ALMS1: variants seen among roughly 807,000 people sequenced by gnomAD.
ALMS1 encodes ALMS1 centrosome and basal body associated protein.
Under a neutral mutation model 352.2 loss-of-function variants are expected in ALMS1, and 271 were observed. That is an observed-to-expected ratio of 0.77 (90% CI 0.70 to 0.85). The LOEUF (loss-of-function observed/expected upper bound fraction) is 0.85. Ranked by LOEUF, ALMS1 falls within the 40% of genes least tolerant of loss-of-function variation. ALMS1 has a pLI of 0.00. For synonymous variants in ALMS1, 1,865 were observed against 1,761.2 expected (o/e 1.06, Z -1.48); for missense variants, 5,445 against 4,870.7 (o/e 1.12, Z -3.51).
intron 15 of ALMS1, among the ~76,000 whole-genome samples, chr2:73,561,211 T>C (rs181085393): frequency 3.3e-5 from 5 of 152,366 alleles, no homozygotes; most frequent in Non-Finnish European, 7.3e-5. Flanking sequence ...TCAGGCCTAC[T>C]CAGGCTTCTC....
At chr2:73,509,661 A>G (rs1673408950) in intron 10 of ALMS1, among the ~76,000 whole-genome samples, 1 of 152,156 alleles carries the variant, frequency 6.6e-6, no homozygotes, top group South Asian at 2.1e-4. Flanking sequence ...TTTATGGGTA[A>G]CCTGACCTTT....
intron 9 of ALMS1, among the ~76,000 whole-genome samples, chr2:73,483,060 GTC>G (rs1286966825): frequency 1.5e-4 from 22 of 151,262 alleles, no homozygotes; most frequent in Non-Finnish European, 2.7e-4. Flanking sequence ...GGTTTTTTGT[GTC>G]TCTATTTCCT....
chr2:73,396,210 C>G (rs1375820957), intron 1 of ALMS1, among the ~76,000 whole-genome samples: 2 of 151,874 alleles, frequency 1.3e-5, no homozygotes, highest in African/African-American at 4.8e-5. Context: ...CGATGTATTA[C>G]ATTAATTGAT....
chr2:73,556,560 C>T (rs1168852227), intron 13 of ALMS1, among the ~76,000 whole-genome samples: 2 of 150,788 alleles, frequency 1.3e-5, no homozygotes, highest in African/African-American at 4.9e-5. Context: ...GTGGTAAAAA[C>T]TTTGAATAGG....
At chr2:73,530,242 AAGTT>A (rs1457463243) in intron 11 of ALMS1, among the ~76,000 whole-genome samples, 28 of 152,338 alleles carry the variant, frequency 1.8e-4, no homozygotes, top group East Asian at 9.6e-4. Flanking sequence ...AATAAAAAAC[AAGTT>A]AGTTAGTTCC....
At chr2:73,560,706 A>G (rs1050938397) in intron 15 of ALMS1, among the ~76,000 whole-genome samples, 1 of 152,252 alleles carries the variant, frequency 6.6e-6, no homozygotes, top group Non-Finnish European at 1.5e-5. Flanking sequence ...TAAAGAAAGC[A>G]TGTTACATAC....
chr2:73,552,676 A>C (rs1053964129), intron 13 of ALMS1, among the ~76,000 whole-genome samples: 1 of 152,238 alleles, frequency 6.6e-6, no homozygotes, highest in African/African-American at 2.4e-5. Context: ...CTCCTGGCTT[A>C]GTCCTTAGTA....
intron 2 of ALMS1, among the ~76,000 whole-genome samples, chr2:73,414,071 T>C (rs940782210): frequency 1.8e-4 from 27 of 152,202 alleles, no homozygotes; most frequent in Non-Finnish European, 3.7e-4. Context: ...CCTGCTGGAA[T>C]TTTTTATTAA....
chr2:73,587,371 C>T (rs1675334886), intron 16 of ALMS1, among the ~76,000 whole-genome samples: 1 of 152,092 alleles, frequency 6.6e-6, no homozygotes, highest in African/African-American at 2.4e-5. Flanking sequence ...CAGGGGAAAT[C>T]CTTTTAACCT....
chr2:73,578,724 A>G (rs1459510475), intron 16 of ALMS1, among the ~76,000 whole-genome samples: 2 of 152,178 alleles, frequency 1.3e-5, no homozygotes, highest in East Asian at 1.9e-4. Flanking sequence ...TTTAATTGTT[A>G]TAGTCACAGA....
intron 9 of ALMS1, among the ~76,000 whole-genome samples, chr2:73,474,369 C>CTGTGTG: frequency 1.1e-5 from 1 of 90,496 alleles, no homozygotes; most frequent in Admixed American, 1.5e-4. Context: ...TGCTTGTTGA[C>CTGTGTG]TCTGTGTGTG....
chr2:73,591,016 C>T (rs1675422428), intron 16 of ALMS1, among the ~76,000 whole-genome samples: 1 of 151,954 alleles, frequency 6.6e-6, no homozygotes, highest in South Asian at 2.1e-4. Flanking sequence ...TGCTATGTTG[C>T]CCAGGCTGAT....
chr2:73,518,680 TC>T (rs1245625932), intron 10 of ALMS1, among the ~76,000 whole-genome samples: 3 of 152,194 alleles, frequency 2.0e-5, no homozygotes, highest in Non-Finnish European at 2.9e-5. Context: ...AAATGGTATC[TC>T]ATTGTGGTTT....
At chr2:73,391,629 G>C (rs1670649342) in intron 1 of ALMS1, among the ~76,000 whole-genome samples, 2 of 151,998 alleles carry the variant, frequency 1.3e-5, no homozygotes, top group African/African-American at 4.8e-5. Context: ...ATCCTGTTTT[G>C]TGTTCCTAGG....
At position 73,546,961 on chromosome 2, in the gene ALMS1, C is replaced by G. The variant is rs537182267; in HGVS notation, c.9908-3306C>G. ...TAGCCAGACCAGGAACAAGGAAACACAATACAGACAGTCCCCAATTTACAG... is the reference window on the plus strand; with the variant it reads ...TAGCCAGACCAGGAACAAGGAAACAGAATACAGACAGTCCCCAATTTACAG... On this transcript the variant is annotated intron_variant, in intron 12 of 22. Transcript: ENST00000613296. Among the ~76,000 whole-genome samples, 5 of 152,220 alleles carry G rather than the reference C, an allele frequency of 3.3e-5. No individual in the cohort carries two copies. The East Asian group carries it at 9.6e-4, about 29-fold the overall frequency.
rs373979607 is a variant in ALMS1 at position 73,449,021 on chromosome 2, G to A, written c.2494G>A (p.Glu832Lys). Reference sequence around the variant, plus strand: ...GGCCTTGCTGGACAGCCATCTACCCGAAGAGGCTCTGAAAGTTTCAGCTGT... The same window carrying A: ...GGCCTTGCTGGACAGCCATCTACCCAAAGAGGCTCTGAAAGTTTCAGCTGT... ...QQALLDSHLP[E>K]EALKVSAVSG... The change falls in exon 8 of 23, where the codon GAA becomes AAA. Residue 832 changes from glutamate to lysine, a missense_variant. Coordinates refer to ENST00000613296, the MANE Select transcript of ALMS1 (RefSeq NM_001378454.1). 9.3e-6 allele frequency: 15 copies of A among 1,613,898 alleles called. No individual in the cohort carries two copies. The highest frequency in any genetic ancestry group is 1.6e-4 in the Middle Eastern group (1 of 6,080).
chr2:73,460,150 C>T (rs1218346554), intron 9 of ALMS1, among the ~76,000 whole-genome samples: 2 of 152,102 alleles, frequency 1.3e-5, no homozygotes, highest in Non-Finnish European at 2.9e-5. Flanking sequence ...TATGTTTCTC[C>T]CTCAGCCCCA....
At position 73,557,218 on chromosome 2, in the gene ALMS1, A is replaced by G; in HGVS notation, c.10079-2A>G. On this transcript the variant is annotated splice_acceptor_variant, in intron 13 of 22. Transcript: ENST00000613296. LOFTEE classifies it high-confidence loss of function. ...TGAAATCAAATGATGTCGTTATTCC[A>G]GATGCCTCAGTTCAAGTGCTAATCA... 1.2e-6 allele frequency: 2 copies of G among 1,614,138 alleles called. No homozygotes were observed. Among genetic ancestry groups the G allele is most frequent in the South Asian group, 1.1e-5 (1 of 91,086 alleles).
intron 11 of ALMS1, among the ~76,000 whole-genome samples, chr2:73,521,092 C>G (rs1278491353): frequency 6.6e-6 from 1 of 152,048 alleles, no homozygotes; most frequent in Non-Finnish European, 1.5e-5. Flanking sequence ...CATTTATATA[C>G]TAAGATGGTT....
Sources: allele counts gnomAD v4.1 joint callset (sites outside exome capture counted in the v4.1 genomes callset), GRCh38; gene constraint gnomAD v4.1.1; transcripts MANE v1.5; gene names NCBI Gene and HGNC (gene_info 2026-07-23, HGNC 2026-07-21).